ABHD17C: variants seen among roughly 807,000 people sequenced by gnomAD.
The protein encoded by ABHD17C is abhydrolase domain containing 17C, depalmitoylase, also known as alpha/beta hydrolase domain-containing protein 17C.
In ABHD17C, 11 loss-of-function variants were observed where a neutral mutation model predicts 27.9. The observed-to-expected ratio is 0.39, with a 90% CI of 0.25 to 0.65. The LOEUF (loss-of-function observed/expected upper bound fraction) is 0.65, where lower values mean the gene tolerates loss of function less well. Ranked by LOEUF, ABHD17C falls within the 30% of genes least tolerant of loss-of-function variation. ABHD17C has a pLI of 0.45. For synonymous variants in ABHD17C, 233 were observed against 209.1 expected (o/e 1.11, Z -0.98); for missense variants, 280 against 470.2 (o/e 0.60, Z 3.74).
chr15:80,719,005 T>TATG (rs1222731769), intron 1 of ABHD17C, among the ~76,000 whole-genome samples: 1 of 152,236 alleles, frequency 6.6e-6, no homozygotes, highest in Non-Finnish European at 1.5e-5. Context: ...TAATGGAGAA[T>TATG]ATGCCTTGAT....
rs115142071 is a variant in ABHD17C at position 80,754,495 on chromosome 15, T to C, written c.*125T>C. ...GAAGTGCCCAACCTTTAGGGTGTTC[T>C]AATCAAAGAGCTGATGAAATCTCAG... On this transcript the variant is annotated 3_prime_UTR_variant, in exon 3 of 3. Coordinates refer to ENST00000258884, the MANE Select transcript of ABHD17C (RefSeq NM_021214.2). 55 of 752,606 alleles carry C rather than the reference T, an allele frequency of 7.3e-5. No homozygotes were observed. The African/African-American group carries it at 9.4e-4, about 13-fold the overall frequency. 46.6% of individuals were successfully genotyped at this position (752,606 alleles called of 1,614,324 possible).
At chr15:80,708,347 G>C (rs1047141110) in intron 1 of ABHD17C, among the ~76,000 whole-genome samples, 2 of 151,964 alleles carry the variant, frequency 1.3e-5, no homozygotes, top group African/African-American at 2.4e-5. Context: ...ACAGAGTCTT[G>C]CTCTGTCGCC....
At position 80,730,379 on chromosome 15, in the gene ABHD17C, G is replaced by A. The variant is rs549404589; in HGVS notation, c.591-19134G>A. 1.1e-4 allele frequency among the ~76,000 whole-genome samples: 16 copies of A among 152,276 alleles called. No homozygotes were observed. In the South Asian group the frequency reaches 3.3e-3, roughly 32 times the overall value. On this transcript the variant is annotated intron_variant, in intron 1 of 2. Coordinates refer to ENST00000258884, the MANE Select transcript of ABHD17C (RefSeq NM_021214.2). ...CCCTGAGTTCCTGCTGGGTGGATGG[G>A]GATGGAGATCCTCTCCACCAGGCTC...
intron 1 of ABHD17C, among the ~76,000 whole-genome samples, chr15:80,714,211 C>T (rs757110500): frequency 1.3e-4 from 20 of 152,186 alleles, no homozygotes; most frequent in Non-Finnish European, 2.4e-4. Flanking sequence ...TTACCTTGGC[C>T]TCCCAAAGTG....
At chr15:80,745,563 T>C (rs753519656) in intron 1 of ABHD17C, among the ~76,000 whole-genome samples, 3 of 152,076 alleles carry the variant, frequency 2.0e-5, no homozygotes, top group Non-Finnish European at 4.4e-5. Context: ...GATGGTGTCT[T>C]GCTTTTTTGC....
chr15:80,730,462 A>T (rs1474246621), intron 1 of ABHD17C, among the ~76,000 whole-genome samples: 1 of 152,236 alleles, frequency 6.6e-6, no homozygotes, highest in Non-Finnish European at 1.5e-5. Flanking sequence ...TTTTGCAATG[A>T]CAAAACAGTT....
At chr15:80,729,475 A>G (rs1207684587) in intron 1 of ABHD17C, among the ~76,000 whole-genome samples, 1 of 152,216 alleles carries the variant, frequency 6.6e-6, no homozygotes, top group Non-Finnish European at 1.5e-5. Flanking sequence ...ATAAAAATGC[A>G]TACAAATGGA....
intron 1 of ABHD17C, among the ~76,000 whole-genome samples, chr15:80,733,173 C>T (rs548800246): frequency 3.3e-5 from 5 of 152,114 alleles, no homozygotes; most frequent in Non-Finnish European, 5.9e-5. Flanking sequence ...ATGTCCTCTA[C>T]GAATCTCCAC....
chr15:80,717,278 T>C (rs1894817215), intron 1 of ABHD17C, among the ~76,000 whole-genome samples: 1 of 150,550 alleles, frequency 6.6e-6, no homozygotes, highest in Non-Finnish European at 1.5e-5. Context: ...AAAAGAGTTT[T>C]GGCATAGCTA....
chr15:80,695,531 C>T lies in ABHD17C; in HGVS notation c.102C>T (p.Ala34=). Residue 34 remains alanine (A), a synonymous_variant, in exon 1 of 3, where the codon GCC becomes GCT. Transcript: ENST00000258884. The surrounding 1 kb of genome is among the most constrained non-coding windows in gnomAD (Gnocchi z 4.3). ...CGAGCCGCATCGCCGCCAAGCTGGC[C>T]TTCCTGCCGCCCGAGCCCACCTACA... The part of the protein sequence containing the change: ...PCPSRIAAKL[A]FLPPEPTYTV... The T allele has an allele frequency of 7.3e-6, 10 of 1,367,582 alleles. No individual in the cohort carries two copies. The highest frequency in any genetic ancestry group is 9.5e-6 in the Non-Finnish European group (10 of 1,047,442). 84.7% of individuals were successfully genotyped at this position (1,367,582 alleles called of 1,614,324 possible).
At chr15:80,733,853 A>G (rs541904319) in intron 1 of ABHD17C, among the ~76,000 whole-genome samples, 2 of 152,360 alleles carry the variant, frequency 1.3e-5, no homozygotes, top group South Asian at 2.1e-4. Flanking sequence ...CAAATTGATA[A>G]TTAAATTCAA....
intron 1 of ABHD17C, among the ~76,000 whole-genome samples, chr15:80,722,375 T>C (rs1894908771): frequency 6.6e-6 from 1 of 151,020 alleles, no homozygotes; most frequent in African/African-American, 2.4e-5. Context: ...GAGAAAGGAA[T>C]CTTTTTTAAA....
At chr15:80,731,490 G>A (rs1263810291) in intron 1 of ABHD17C, among the ~76,000 whole-genome samples, 1 of 151,722 alleles carries the variant, frequency 6.6e-6, no homozygotes, top group Non-Finnish European at 1.5e-5. Flanking sequence ...TTAAATAAAA[G>A]AGTTCTTACA....
intron 1 of ABHD17C, among the ~76,000 whole-genome samples, chr15:80,745,223 G>A (rs761903424): frequency 1.3e-5 from 2 of 152,052 alleles, no homozygotes; most frequent in Non-Finnish European, 2.9e-5. Flanking sequence ...CTTTTTGCCT[G>A]TAATCACTAT....
intron 1 of ABHD17C, among the ~76,000 whole-genome samples, chr15:80,744,936 T>C (rs1157494162): frequency 6.6e-6 from 1 of 152,242 alleles, no homozygotes; most frequent in Non-Finnish European, 1.5e-5. Context: ...GACATCATTT[T>C]TAATGGTCTG....
intron 1 of ABHD17C, among the ~76,000 whole-genome samples, chr15:80,730,888 A>T (rs1285318089): frequency 6.6e-6 from 1 of 152,178 alleles, no homozygotes; most frequent in East Asian, 1.9e-4. Flanking sequence ...TATTAATGTC[A>T]TGGTGCTCGA....
intron 1 of ABHD17C, among the ~76,000 whole-genome samples, chr15:80,743,685 T>C (rs1895241603): frequency 6.6e-6 from 1 of 152,114 alleles, no homozygotes. Context: ...TGAGCTCAGG[T>C]GATCCTCCCA....
intron 1 of ABHD17C, among the ~76,000 whole-genome samples, chr15:80,709,064 G>A (rs958459148): frequency 2.6e-5 from 4 of 152,110 alleles, no homozygotes; most frequent in Non-Finnish European, 4.4e-5. Context: ...CTCCTTTGCC[G>A]GAGCAGTAAT....
intron 1 of ABHD17C, among the ~76,000 whole-genome samples, chr15:80,743,443 C>A (rs923193032): frequency 6.6e-6 from 1 of 152,166 alleles, no homozygotes; most frequent in African/African-American, 2.4e-5. Flanking sequence ...CGGTTCCTGT[C>A]CTCCCTGCGT....
Sources: gnomAD v4.1 joint callset for allele counts (sites outside exome capture counted in the v4.1 genomes callset) on GRCh38, gnomAD v4.1.1 for gene constraint, Gnocchi (gnomAD v3.1) non-coding constraint, MANE v1.5 for transcripts, NCBI Gene and HGNC (gene_info 2026-07-23, HGNC 2026-07-21) for gene names.